The following ATP9B variants were observed in gnomAD, a reference collection of about 807,000 sequenced individuals.
ATP9B encodes the protein probable phospholipid-transporting ATPase IIB.
Under a neutral mutation model 146.1 loss-of-function variants are expected in ATP9B, and 110 were observed. That is an observed-to-expected ratio of 0.75 (90% confidence interval 0.65 to 0.88). ATP9B has a LOEUF of 0.88. ATP9B is among the 40% of genes least tolerant of loss of function. The pLI is 0.00. For synonymous variants in ATP9B, 604 were observed against 569.7 expected, an observed-to-expected ratio of 1.06 and a Z score of -0.86; for missense variants, 1,499 against 1,496.4, an observed-to-expected ratio of 1.00 and a Z score of -0.03.
At chr18:79,289,765 G>A (rs1184685922) in intron 13 of ATP9B, among the ~76,000 whole-genome samples, 3 of 152,156 alleles carry the variant, frequency 2.0e-5, no homozygotes, top group Non-Finnish European at 4.4e-5. Flanking sequence ...GGTCTTTGAT[G>A]ATGGTGATGT....
rs537778728 is a variant in ATP9B at position 79,361,826 on chromosome 18, C to A, written c.3012+2364C>A. ...GACTGGATGTGCCAACGCAGTTTAT[C>A]CACACCGGTCAGTGTCAGTGGACAC... On this transcript the variant is annotated intron_variant, in intron 26 of 29. Transcript: ENST00000426216. 4 of 985,230 alleles carry A rather than the reference C, an allele frequency of 4.1e-6. No homozygotes were observed. In the African/African-American group the frequency reaches 5.2e-5, roughly 13 times the overall value. The allele number at this position is 985,230 out of a possible 1,614,324, so 61.0% of individuals were successfully genotyped here.
chr18:79,127,117 G>C (rs2094300539), intron 5 of ATP9B, among the ~76,000 whole-genome samples: 1 of 152,162 alleles, frequency 6.6e-6, no homozygotes, highest in Non-Finnish European at 1.5e-5. Flanking sequence ...ATGTATATAA[G>C]AGGACATTTA....
At chr18:79,265,270 G>A (rs1433119677) in intron 12 of ATP9B, among the ~76,000 whole-genome samples, 1 of 152,142 alleles carries the variant, frequency 6.6e-6, no homozygotes, top group Non-Finnish European at 1.5e-5. Flanking sequence ...TTTTATGGCT[G>A]TATAGTATTC....
At chr18:79,292,604 G>T (rs574357324) in intron 13 of ATP9B, among the ~76,000 whole-genome samples, 14 of 151,288 alleles carry the variant, frequency 9.3e-5, no homozygotes, top group Non-Finnish European at 1.5e-4. Context: ...TAGGGATTCA[G>T]CATGGCTACA....
chr18:79,238,084 G>A (rs775293703), intron 11 of ATP9B, among the ~76,000 whole-genome samples: 3 of 152,090 alleles, frequency 2.0e-5, no homozygotes, highest in East Asian at 3.8e-4. Flanking sequence ...TTTTGGTGAT[G>A]TATTTTTATT....
rs200458809 is a variant in ATP9B at position 79,069,468 on chromosome 18, C to A, written c.58C>A (p.Arg20Ser). Residue 20 changes from arginine (R) to serine (S), a missense_variant, in exon 1 of 30, where the codon CGC becomes AGC. Physicochemically the swap from Arg to Ser is moderately radical, Grantham distance 110 (BLOSUM62 -1). Coordinates refer to ENST00000426216, the MANE Select transcript of ATP9B (RefSeq NM_198531.5). ...TAGCGCAGCGGCGGCCGCAGCCAAC[C>A]GCAAACGCGCGGCCTACTACAGCGC... Reference protein sequence around the residue: ...VRSAAAAAANRKRAAYYSAAG... With the variant: ...VRSAAAAAANSKRAAYYSAAG... 166 of 1,504,180 alleles carry A rather than the reference C, an allele frequency of 1.1e-4. No individual in the cohort carries two copies. In the African/African-American group the frequency reaches 2.1e-3, roughly 19 times the overall value. 93.2% of individuals were successfully genotyped at this position (1,504,180 alleles called of 1,614,324 possible).
intron 5 of ATP9B, among the ~76,000 whole-genome samples, chr18:79,131,615 T>A (rs1313212017): frequency 6.6e-6 from 1 of 152,194 alleles, no homozygotes; most frequent in Non-Finnish European, 1.5e-5. Flanking sequence ...CACTGTCAGT[T>A]TCTCAAATAG....
chr18:79,114,649 T>C (rs2094033347), intron 4 of ATP9B, among the ~76,000 whole-genome samples: 1 of 152,184 alleles, frequency 6.6e-6, no homozygotes, highest in Non-Finnish European at 1.5e-5. Flanking sequence ...TTATATGTAA[T>C]ATAAACACGA....
chr18:79,168,132 G>A (rs1366279467), intron 7 of ATP9B, among the ~76,000 whole-genome samples: 1 of 152,204 alleles, frequency 6.6e-6, no homozygotes, highest in African/African-American at 2.4e-5. Flanking sequence ...CTCCAGAGGC[G>A]CCACTGCTGC....
intron 29 of ATP9B, chr18:79,375,643 G>A: frequency 1.0e-6 from 1 of 985,464 alleles, no homozygotes; most frequent in African/African-American, 1.7e-5. Context: ...CCCTGAGTGA[G>A]GGGAAGGGGC....
intron 3 of ATP9B, among the ~76,000 whole-genome samples, chr18:79,110,999 C>T (rs945623005): frequency 3.3e-5 from 5 of 152,146 alleles, no homozygotes; most frequent in African/African-American, 9.7e-5. Context: ...TGCTACTTCA[C>T]ATTATAAATC....
At position 79,348,733 on chromosome 18, in the gene ATP9B, T is replaced by C. The variant is rs552279282; in HGVS notation, c.2903+537T>C. ...GCTCACGCCTGTAATCCCAGCACTT[T>C]GGGAGGCTGAAGTGGGCGTGGGTGG... On this transcript the variant is annotated intron_variant, in intron 25 of 29. Coordinates refer to ENST00000426216, the MANE Select transcript of ATP9B (RefSeq NM_198531.5). 7.9e-5 allele frequency among the ~76,000 whole-genome samples: 12 copies of C among 152,354 alleles called. No homozygotes were observed. In the East Asian group the frequency reaches 2.1e-3, roughly 27 times the overall value.
chr18:79,070,812 G>A (rs1787275), intron 1 of ATP9B, among the ~76,000 whole-genome samples: 9,229 of 151,634 alleles, frequency 0.061, 363 homozygotes, highest in Non-Finnish European at 0.092. Context: ...TATTGATGTC[G>A]CCATTTATGC....
intron 9 of ATP9B, among the ~76,000 whole-genome samples, chr18:79,205,790 A>G (rs911655184): frequency 6.6e-6 from 1 of 152,212 alleles, no homozygotes; most frequent in African/African-American, 2.4e-5. Context: ...CTGAATATGA[A>G]CATTGAAAGT....
chr18:79,160,411 T>C (rs2094860539), intron 7 of ATP9B, among the ~76,000 whole-genome samples: 1 of 152,256 alleles, frequency 6.6e-6, no homozygotes, highest in Non-Finnish European at 1.5e-5. Context: ...CTTCACCTAC[T>C]TATTTATGAT....
intron 9 of ATP9B, among the ~76,000 whole-genome samples, chr18:79,197,292 A>G (rs1341410898): frequency 6.6e-6 from 1 of 152,134 alleles, no homozygotes; most frequent in African/African-American, 2.4e-5. Context: ...GAGACACTGC[A>G]TATCAGAATC....
rs900111630 is a variant in ATP9B, at chr18:79,311,082, G to A, written c.1773+3848G>A. ...CAGGAGAATTGCTTGAACCCAGGAG[G>A]CGGAGGTTGCAGTGAGCCAGGATCA... On this transcript the variant is annotated intron_variant, in intron 15 of 29. Coordinates refer to ENST00000426216, the MANE Select transcript of ATP9B (RefSeq NM_198531.5). Among the ~76,000 whole-genome samples, 4 of 151,786 alleles carry A rather than the reference G, an allele frequency of 2.6e-5. No individual in the cohort carries two copies. In the South Asian group the frequency reaches 8.3e-4, roughly 32 times the overall value.
intron 25 of ATP9B, among the ~76,000 whole-genome samples, chr18:79,349,898 C>G (rs111368677): frequency 1.9e-4 from 28 of 151,116 alleles, no homozygotes; most frequent in African/African-American, 6.6e-4. Flanking sequence ...CCCCGCACCC[C>G]CCCCCCCACC....
At chr18:79,140,620 CA>C (rs753032356) in intron 5 of ATP9B, among the ~76,000 whole-genome samples, 116 of 144,574 alleles carry the variant, frequency 8.0e-4, no homozygotes, top group Middle Eastern at 3.5e-3. Context: ...ACTAAAAATA[CA>C]AAAAAAAAAA....
Sources: gnomAD v4.1 joint callset for allele counts (sites outside exome capture counted in the v4.1 genomes callset) on GRCh38, gnomAD v4.1.1 for gene constraint, MANE v1.5 for transcripts, NCBI Gene and HGNC (gene_info 2026-07-23, HGNC 2026-07-21) for gene names.